Variants in SCIN observed in about 807,000 individuals in gnomAD.
The protein encoded by SCIN is scinderin.
In SCIN, 91 loss-of-function variants were observed where a neutral mutation model predicts 91.8. That is an observed-to-expected ratio of 0.99 (90% CI 0.84 to 1.18). SCIN has a LOEUF of 1.18. SCIN is among the 50% of genes most tolerant of loss of function. The pLI is 0.00. For missense variants in SCIN, 1,087 were observed against 863.9 expected (o/e 1.26, Z -3.24); for synonymous variants, 367 against 312.6 (o/e 1.17, Z -1.84).
intron 10 of SCIN, among the ~76,000 whole-genome samples, chr7:12,638,450 G>A (rs1008323367): frequency 2.0e-5 from 3 of 152,112 alleles, no homozygotes; most frequent in Non-Finnish European, 4.4e-5. Context: ...TGCTTACTTG[G>A]CCAATGCAGT....
chr7:12,626,872 T>C (rs1340973997), intron 8 of SCIN, 73 bp downstream of exon 8: 4 of 1,325,568 alleles, frequency 3.0e-6, no homozygotes, highest in African/African-American at 1.5e-5. Flanking sequence ...GGGAGATCAC[T>C]TGAGGACAGG....
intron 13 of SCIN, among the ~76,000 whole-genome samples, chr7:12,645,175 C>T (rs1008868049): frequency 6.6e-6 from 1 of 150,734 alleles, no homozygotes; most frequent in African/African-American, 2.4e-5. Flanking sequence ...AAAAATTAGT[C>T]AGGCATGGTG....
In SCIN at chr7:12,627,962, C is replaced by T. The variant is rs535413419; in HGVS notation, c.1198-1139C>T. Among the ~76,000 whole-genome samples, 8 of 152,222 alleles carry T rather than the reference C, an allele frequency of 5.3e-5. No individual in the cohort carries two copies. The South Asian group carries it at 1.7e-3, about 32-fold the overall frequency. ...AGAAGCACTGCACTGTTCCTGTCCA[C>T]TTGCTTATCTTCAGATTTCAAAGCA... On this transcript the variant is annotated intron_variant, in intron 8 of 15. Transcript: ENST00000297029.
At chr7:12,589,489 C>T (rs1227780380) in intron 3 of SCIN, 2 of 152,748 alleles carry the variant, frequency 1.3e-5, no homozygotes, top group Non-Finnish European at 2.9e-5. Flanking sequence ...TCCCAAAGAT[C>T]TGGGATTACA....
At chr7:12,612,771 G>A (rs532441050) in intron 4 of SCIN, among the ~76,000 whole-genome samples, 3 of 152,180 alleles carry the variant, frequency 2.0e-5, no homozygotes, top group Non-Finnish European at 4.4e-5. Context: ...AGTGGGGGAA[G>A]TTGAAATGTT....
At position 12,651,911 on chromosome 7, in the gene SCIN, A is replaced by G. The variant is rs1784086914; in HGVS notation, c.2020+10A>G. On this transcript the variant is annotated intron_variant, in intron 15 of 15. Transcript: ENST00000297029. The surrounding 1 kb of genome is among the most constrained non-coding windows in gnomAD (Gnocchi z 5.9). ...GAATCTCTGAAGTCTGGTAAGCTCA[A>G]TCGATGGACCATTATAGCAGTAACC... 8 of 1,592,304 alleles carry G rather than the reference A, an allele frequency of 5.0e-6. No homozygotes were observed. Among genetic ancestry groups the G allele is most frequent in the Non-Finnish European group, 6.0e-6 (7 of 1,163,560 alleles).
At chr7:12,610,495 C>T (rs909443704) in intron 4 of SCIN, among the ~76,000 whole-genome samples, 17 of 152,218 alleles carry the variant, frequency 1.1e-4, no homozygotes, top group Non-Finnish European at 1.9e-4. Context: ...GTAGCCCTCA[C>T]AGCTCTAACT....
chr7:12,651,582 G>A lies in SCIN; in HGVS notation c.1960-259G>A, dbSNP rs997996835. Among the ~76,000 whole-genome samples the A allele has an allele frequency of 1.3e-5, 2 of 151,312 alleles. No individual in the cohort carries two copies. Among genetic ancestry groups the A allele is most frequent in the Non-Finnish European group, 2.9e-5 (2 of 67,918 alleles). On this transcript the variant is annotated intron_variant, in intron 14 of 15. Coordinates refer to ENST00000297029, the MANE Select transcript of SCIN (RefSeq NM_001112706.3). This position sits in a 1 kb window ranked among gnomAD's most constrained non-coding sequence, Gnocchi z 5.9. ...TTGTGAAAGATCACTTTACAAACTAGAAAGTACCATGTAAACATAAAATAT... is the reference window on the plus strand; with the variant it reads ...TTGTGAAAGATCACTTTACAAACTAAAAAGTACCATGTAAACATAAAATAT...
chr7:12,599,391 G>GTGTGTT (rs1000732955), intron 3 of SCIN, among the ~76,000 whole-genome samples: 1 of 147,714 alleles, frequency 6.8e-6, no homozygotes, highest in African/African-American at 2.5e-5. Context: ...GTGTGTGTGT[G>GTGTGTT]TGTGTGTATC....
intron 3 of SCIN, among the ~76,000 whole-genome samples, chr7:12,596,600 G>A (rs546285760): frequency 4.7e-4 from 71 of 152,224 alleles, no homozygotes; most frequent in Non-Finnish European, 9.4e-4. Flanking sequence ...GCATGAAGAA[G>A]CAGTAACTCT....
intron 13 of SCIN, among the ~76,000 whole-genome samples, chr7:12,645,036 A>AG (rs11420076): frequency 2.1e-5 from 3 of 141,672 alleles, no homozygotes; most frequent in African/African-American, 5.2e-5. Context: ...AAAAAAAAAA[A>AG]GGGCCGGGCG....
intron 4 of SCIN, among the ~76,000 whole-genome samples, chr7:12,618,963 G>T (rs1483700112): frequency 1.3e-5 from 2 of 152,064 alleles, no homozygotes; most frequent in South Asian, 2.1e-4. Context: ...AAGGCCTGGG[G>T]TTTACATATT....
intron 11 of SCIN, among the ~76,000 whole-genome samples, chr7:12,641,953 C>CT (rs1454222361): frequency 6.6e-6 from 1 of 151,932 alleles, no homozygotes; most frequent in Non-Finnish European, 1.5e-5. Flanking sequence ...TATATATTCT[C>CT]TTTCCCTCCT....
intron 1 of SCIN, among the ~76,000 whole-genome samples, chr7:12,574,016 A>G (rs1291728054): frequency 1.3e-5 from 2 of 152,168 alleles, no homozygotes; most frequent in Non-Finnish European, 2.9e-5. Flanking sequence ...ATATACTACT[A>G]CCATATGAGT....
At chr7:12,621,857 T>C (rs1783417826) in intron 4 of SCIN, among the ~76,000 whole-genome samples, 1 of 151,986 alleles carries the variant, frequency 6.6e-6, no homozygotes, top group East Asian at 1.9e-4. Context: ...TATTGTTTTC[T>C]GGTATTTTGC....
chr7:12,630,256 T>C (rs112884407), intron 9 of SCIN, among the ~76,000 whole-genome samples: 48 of 151,998 alleles, frequency 3.2e-4, no homozygotes, highest in African/African-American at 1.1e-3. Context: ...AACTCGGAGG[T>C]ATCAATATCA....
chr7:12,618,373 C>T (rs1485383275), intron 4 of SCIN, among the ~76,000 whole-genome samples: 1 of 152,144 alleles, frequency 6.6e-6, no homozygotes. Context: ...GCCCAGTTCA[C>T]TTTGTCTTTT....
At position 12,644,628 on chromosome 7, in the gene SCIN, T is replaced by C; in HGVS notation, c.1804T>C (p.Ser602Pro). The part of the protein sequence containing the change: ...SLGGKKDYQT[S>P]PLLETQAEDH... ...TGGAGGGAAAAAAGACTACCAGACC[T>C]CACCACTACTGGAAACCCAGGCTGA... The change falls in exon 13 of 16, where the codon TCA (serine) becomes CCA (proline). Residue 602 changes from serine to proline, a missense_variant. Transcript: ENST00000297029. 1 of 1,606,954 alleles carries C rather than the reference T, an allele frequency of 6.2e-7. No individual in the cohort carries two copies. Among genetic ancestry groups the C allele is most frequent in the Non-Finnish European group, 8.5e-7 (1 of 1,176,656 alleles).
chr7:12,599,070 C>T (rs1000663133), intron 3 of SCIN, among the ~76,000 whole-genome samples: 6 of 152,134 alleles, frequency 3.9e-5, no homozygotes, highest in African/African-American at 7.2e-5. Context: ...ATATATCACT[C>T]GTATGTAAAT....
Sources: allele counts gnomAD v4.1 joint callset (sites outside exome capture counted in the v4.1 genomes callset), GRCh38; gene constraint gnomAD v4.1.1; non-coding constraint Gnocchi (gnomAD v3.1); transcripts MANE v1.5; gene names NCBI Gene and HGNC (gene_info 2026-07-23, HGNC 2026-07-21).